SPEF2: variants seen among roughly 807,000 people sequenced by gnomAD.
SPEF2 encodes sperm flagellar and cilia associated 2, also known as sperm flagella and cilia-associated protein 2.
SPEF2 carries 187 observed loss-of-function variants against 224.6 expected under a neutral mutation model. That is an observed-to-expected ratio of 0.83 (90% CI 0.74 to 0.94). The LOEUF (loss-of-function observed/expected upper bound fraction) is 0.94, where lower values mean the gene tolerates loss of function less well. Ranked by LOEUF, SPEF2 falls within the 40% of genes least tolerant of loss-of-function variation. The probability of loss-of-function intolerance (pLI) is 0.00; values close to 1 mark genes in which losing one functional copy is unlikely to be tolerated. For synonymous variants in SPEF2, 715 were observed against 707.3 expected (o/e 1.01, Z -0.17); for missense variants, 2,170 against 2,135.6 (o/e 1.02, Z -0.32).
In SPEF2 at chr5:35,632,365, A is replaced by G. The variant is rs549937305; in HGVS notation, c.161+3803A>G. ...GGCAGCAGGAGAGAGAAGAGTGAGT[A>G]GCAAAGTGGGAAGGGCCCCGCATAA... On this transcript the variant is annotated intron_variant, in intron 2 of 36. Transcript: ENST00000356031. Among the ~76,000 whole-genome samples, 7 of 152,302 alleles carry G rather than the reference A, an allele frequency of 4.6e-5. No homozygotes were observed. The South Asian group carries it at 1.5e-3, about 32-fold the overall frequency.
intron 10 of SPEF2, among the ~76,000 whole-genome samples, chr5:35,688,148 C>A (rs370654349): frequency 4.6e-5 from 7 of 152,294 alleles, no homozygotes; most frequent in African/African-American, 1.7e-4. Context: ...ACCACCACCC[C>A]AGAGCACTAG....
chr5:35,709,456 G>GC, intron 19 of SPEF2: 1 of 1,031,804 alleles, frequency 9.7e-7, no homozygotes, highest in South Asian at 4.2e-5. Context: ...CTGAACTATA[G>GC]AGTTACATTT....
intron 15 of SPEF2, chr5:35,698,865 C>G (rs1020141111): frequency 6.6e-6 from 1 of 152,250 alleles, no homozygotes; most frequent in East Asian, 1.9e-4. Flanking sequence ...CTCACCTCCC[C>G]CTTCCTCTGA....
intron 10 of SPEF2, chr5:35,671,034 A>G (rs1417718169): frequency 1.0e-6 from 1 of 985,408 alleles, no homozygotes; most frequent in Non-Finnish European, 1.2e-6. Flanking sequence ...TAGCTTTTGG[A>G]TAGAAATTTT....
intron 2 of SPEF2, among the ~76,000 whole-genome samples, chr5:35,634,745 C>A (rs1745590192): frequency 6.6e-6 from 1 of 152,038 alleles, no homozygotes; most frequent in Non-Finnish European, 1.5e-5. Context: ...TGACATAATA[C>A]AGAGATTTCC....
intron 7 of SPEF2, among the ~76,000 whole-genome samples, chr5:35,655,576 A>G (rs1305148408): frequency 1.3e-5 from 2 of 152,208 alleles, no homozygotes; most frequent in East Asian, 3.9e-4. Context: ...GGAGGACAAT[A>G]GCAGAAGCAT....
In SPEF2 at chr5:35,700,691, T is replaced by G. The variant is rs773102270; in HGVS notation, c.2337T>G (p.Asp779Glu). 7 of 1,614,002 alleles carry G rather than the reference T, an allele frequency of 4.3e-6. No homozygotes were observed. In the South Asian group the frequency reaches 7.7e-5, roughly 18 times the overall value. The change falls in exon 16 of 37, where the codon GAT becomes GAG. Residue 779 changes from aspartate (D) to glutamate (E), a missense_variant. Transcript: ENST00000356031. ...KEIPLPSPAFDFVILLDVSDT... is the reference protein window; with the variant it reads ...KEIPLPSPAFEFVILLDVSDT... ...TACCTCTTCCCTCTCCTGCATTTGA[T>G]TTTGTCATATTATTAGATGTTTCAG...
chr5:35,710,450 G>T (rs1740872747), intron 19 of SPEF2: 2 of 527,420 alleles, frequency 3.8e-6, no homozygotes, highest in African/African-American at 2.1e-5. Flanking sequence ...CCAGCTGCTT[G>T]GGAGGCTGAG....
At position 35,771,657 on chromosome 5, in the gene SPEF2, C is replaced by T; in HGVS notation, c.3850C>T (p.Gln1284Ter). 6.2e-7 allele frequency: 1 copy of T among 1,611,242 alleles called. No individual in the cohort carries two copies. Among genetic ancestry groups the T allele is most frequent in the African/African-American group, 1.3e-5 (1 of 74,662 alleles). Residue 1284 changes from glutamine to a stop codon, truncating the protein, a stop_gained, in exon 27 of 37, where the codon CAG becomes TAG. Coordinates refer to ENST00000356031, the MANE Select transcript of SPEF2 (RefSeq NM_024867.4). LOFTEE classifies it high-confidence loss of function. ...QRLMEEEKEN[Q>*]PADPKEKSPQ... The stretch of plus-strand genomic sequence containing the variant: ...GCTTATGGAAGAAGAAAAAGAAAAC[C>T]AGCCAGCAGACCCCAAAGAAAAATC...
At chr5:35,795,109 T>A (rs1463558035) in intron 32 of SPEF2, among the ~76,000 whole-genome samples, 1 of 152,172 alleles carries the variant, frequency 6.6e-6, no homozygotes, top group Non-Finnish European at 1.5e-5. Context: ...TAAAATAGTA[T>A]GCTTGCATTG....
chr5:35,802,398 G>A (rs751928205), intron 34 of SPEF2, among the ~76,000 whole-genome samples: 13 of 152,128 alleles, frequency 8.5e-5, no homozygotes, highest in Admixed American at 1.3e-4. Context: ...GAGCACCTAC[G>A]TGTGCTGGGG....
At chr5:35,750,996 T>TATATAC (rs57659843) in intron 23 of SPEF2, among the ~76,000 whole-genome samples, 15 of 113,968 alleles carry the variant, frequency 1.3e-4, no homozygotes, top group African/African-American at 4.7e-4. Context: ...TATATATATA[T>TATATAC]GTATATATAT....
chr5:35,759,613 T>A lies in SPEF2; in HGVS notation c.3514T>A (p.Tyr1172Asn). ...FQDTKRLLQD[Y>N]YWGMESKIPV... is the part of the protein sequence containing the mutation. ...AGATACAAAGAGACTCCTTCAAGAT[T>A]ATTACTGGGGAATGGAAAGTAAAAT... The change falls in exon 25 of 37, where the codon TAT becomes AAT. Residue 1172 changes from tyrosine (Y) to asparagine (N), a missense_variant. Transcript: ENST00000356031. 6.2e-7 allele frequency: 1 copy of A among 1,611,152 alleles called. No individual in the cohort carries two copies. Among genetic ancestry groups the A allele is most frequent in the Non-Finnish European group, 8.5e-7 (1 of 1,178,052 alleles).
intron 21 of SPEF2, among the ~76,000 whole-genome samples, chr5:35,733,565 G>T (rs988564124): frequency 1.3e-5 from 2 of 152,228 alleles, no homozygotes; most frequent in Non-Finnish European, 1.5e-5. Flanking sequence ...CAGTCTGAGA[G>T]ATTGTCTCAG....
At chr5:35,703,130 T>A in intron 16 of SPEF2, among the ~76,000 whole-genome samples, 1 of 119,796 alleles carries the variant, frequency 8.3e-6, no homozygotes. Context: ...TCTTTATTTA[T>A]TTTAGAAAAG....
chr5:35,794,243 C>A (rs1006573008), intron 32 of SPEF2, among the ~76,000 whole-genome samples: 7 of 152,206 alleles, frequency 4.6e-5, no homozygotes, highest in Admixed American at 4.6e-4. Context: ...TTGCTCACAC[C>A]ATTTCACATT....
At position 35,740,893 on chromosome 5, in the gene SPEF2, A is replaced by AC. The variant is rs547123163; in HGVS notation, c.3330+633dup. On this transcript the variant is annotated intron_variant, in intron 23 of 36. Coordinates refer to ENST00000356031, the MANE Select transcript of SPEF2 (RefSeq NM_024867.4). ...TTCATCTTTCATTTTAAATTGACAC[A>AC]CCCCCCCTTATCCCATCAGAGGGAT... is the stretch of plus-strand genomic sequence containing the variant. 3.3e-4 allele frequency among the ~76,000 whole-genome samples: 50 copies of AC among 151,482 alleles called. No individual in the cohort carries two copies. The East Asian group carries it at 5.6e-3, about 17-fold the overall frequency.
rs1749384013 is a variant in SPEF2, at chr5:35,659,285, A to G, written c.1167+78A>G. The G allele has an allele frequency of 3.7e-6, 5 of 1,363,922 alleles. No individual in the cohort carries two copies. The South Asian group carries it at 6.0e-5, about 16-fold the overall frequency. 84.5% of individuals were successfully genotyped at this position (1,363,922 alleles called of 1,614,324 possible). The stretch of plus-strand genomic sequence containing the variant: ...ACCAAGTCGTGGTAAACAAAGCTAT[A>G]TTTTGTTGCCAATCATCTAATAAGA... On this transcript the variant is annotated intron_variant, in intron 8 of 36. Transcript: ENST00000356031.
intron 24 of SPEF2, among the ~76,000 whole-genome samples, chr5:35,756,587 G>T (rs971746035): frequency 6.6e-6 from 1 of 152,172 alleles, no homozygotes; most frequent in Non-Finnish European, 1.5e-5. Flanking sequence ...GCAAAAGTTC[G>T]CACATGGTTT....
Sources: allele counts gnomAD v4.1 joint callset (sites outside exome capture counted in the v4.1 genomes callset), GRCh38; gene constraint gnomAD v4.1.1; transcripts MANE v1.5; gene names NCBI Gene and HGNC (gene_info 2026-07-23, HGNC 2026-07-21).